KIFC3: variants seen among roughly 807,000 people sequenced by gnomAD.
The protein encoded by KIFC3 is kinesin-like protein KIFC3.
KIFC3 carries 60 observed loss-of-function variants against 101.8 expected under a neutral mutation model. The ratio of observed to expected loss-of-function variants is 0.59; its 90% confidence interval spans 0.48 to 0.73. The LOEUF (loss-of-function observed/expected upper bound fraction) is 0.73. Among genes scored for constraint, KIFC3 ranks in the 30% least tolerant of loss-of-function variants. The pLI is 0.00. For missense variants in KIFC3, 966 were observed against 1,137.1 expected (o/e 0.85, Z 2.16); for synonymous variants, 476 against 482.7 (o/e 0.99, Z 0.18).
intron 1 of KIFC3, among the ~76,000 whole-genome samples, chr16:57,833,850 T>C (rs2055632361): frequency 6.6e-6 from 1 of 151,160 alleles, no homozygotes; most frequent in South Asian, 2.1e-4. Context: ...ATATTCAATA[T>C]TTAGGAATGC....
chr16:57,799,409 G>A (rs1025523706), intron 1 of KIFC3, among the ~76,000 whole-genome samples: 4 of 152,176 alleles, frequency 2.6e-5, no homozygotes, highest in African/African-American at 2.4e-5. Context: ...CTCCCCATCC[G>A]TCACTGCAGT....
chr16:57,795,215 A>T lies in KIFC3; in HGVS notation c.173-74T>A, dbSNP rs914303349. The T allele has an allele frequency of 5.2e-6, 8 of 1,540,830 alleles. No individual in the cohort carries two copies. In the Admixed American group the frequency reaches 1.6e-4, roughly 31 times the overall value. ...GACTGCTAGCCATGGACCACTGGCCAGGGCCGCAGCTGAGCTCAGCTTTCA... is the reference window on the plus strand; with the variant it reads ...GACTGCTAGCCATGGACCACTGGCCTGGGCCGCAGCTGAGCTCAGCTTTCA... On this transcript the variant is annotated intron_variant, in intron 2 of 19. Transcript: ENST00000445690.
chr16:57,769,490 C>CT lies in KIFC3; in HGVS notation c.1218+104dup. 7.0e-7 allele frequency: 1 copy of CT among 1,434,096 alleles called. No homozygotes were observed. The highest frequency in any genetic ancestry group is 9.4e-7 in the Non-Finnish European group (1 of 1,064,596). The allele number at this position is 1,434,096 out of a possible 1,614,324, so 88.8% of individuals were successfully genotyped here. A position where few individuals can be genotyped will look rare whatever the true frequency, so the allele number is the denominator to read the frequency against. The stretch of plus-strand genomic sequence containing the variant: ...TGGGGGGTGGGGCAGGGGCTGCTGT[C>CT]TGAGCGGCTTTGTCTGAGCTTTGGA... On this transcript the variant is annotated intron_variant, in intron 9 of 19. Transcript: ENST00000445690. The surrounding 1 kb of genome is among the most constrained non-coding windows in gnomAD (Gnocchi z 4.3).
At chr16:57,799,272 A>G (rs184075987) in intron 1 of KIFC3, among the ~76,000 whole-genome samples, 1 of 152,348 alleles carries the variant, frequency 6.6e-6, no homozygotes, top group East Asian at 1.9e-4. Context: ...CTACAGTCCC[A>G]GACTCAGACA....
intron 3 of KIFC3, among the ~76,000 whole-genome samples, chr16:57,790,500 A>C (rs1452137850): frequency 2.6e-5 from 4 of 152,104 alleles, no homozygotes; most frequent in Admixed American, 6.6e-5. Flanking sequence ...CTCTTTTAAA[A>C]GTGCTCAGTC....
At chr16:57,803,739 A>AT (rs1432076671), upstream of KIFC3, among the ~76,000 whole-genome samples, 17 of 152,208 alleles carry the variant, frequency 1.1e-4, 1 homozygote, top group African/African-American at 4.1e-4. Context: ...TGAAGGCCTG[A>AT]TAGAGGGTGA....
chr16:57,858,575 G>A (rs2056228556), intron 1 of KIFC3, among the ~76,000 whole-genome samples: 2 of 152,208 alleles, frequency 1.3e-5, no homozygotes, highest in African/African-American at 4.8e-5. Flanking sequence ...ATAATTGCAT[G>A]TCATTAACTT....
chr16:57,823,760 T>TG (rs766926934), intron 1 of KIFC3, among the ~76,000 whole-genome samples: 8,431 of 123,306 alleles, frequency 0.068, 343 homozygotes, highest in Middle Eastern at 0.11. Flanking sequence ...ACCCGGCTAC[T>TG]TTGTGTGTGT....
intron 1 of KIFC3, among the ~76,000 whole-genome samples, chr16:57,837,542 A>AAAGGAAGGAAGGAAGG (rs1491274813): frequency 2.5e-5 from 3 of 118,502 alleles, no homozygotes; most frequent in African/African-American, 9.0e-5. Context: ...AAAGAAAGAG[A>AAAGGAAGGAAGGAAGG]AAGGAAGGAA....
rs782024855 is a variant in KIFC3 at position 57,795,110 on chromosome 16, G to A, written c.204C>T (p.Asp68=). The A allele has an allele frequency of 6.7e-5, 108 of 1,611,036 alleles. No individual in the cohort carries two copies. In the East Asian group the frequency reaches 2.1e-3, roughly 31 times the overall value. ...GRGKDTPVCG[D]EDSSARSAAR... ...CTGCACTTCGGGCACTGGAGTCCTCGTCACCGCAGACTGGGGTATCTTTTC... is the reference window on the plus strand; with the variant it reads ...CTGCACTTCGGGCACTGGAGTCCTCATCACCGCAGACTGGGGTATCTTTTC... The change falls in exon 3 of 20, where the codon GAC becomes GAT. Residue 68 remains aspartate, a synonymous_variant. Transcript: ENST00000445690.
chr16:57,762,940 C>T (rs943250834), intron 12 of KIFC3, among the ~76,000 whole-genome samples: 8 of 151,516 alleles, frequency 5.3e-5, no homozygotes, highest in Non-Finnish European at 1.0e-4. Flanking sequence ...CTCTGACCGC[C>T]CCTTGGCCGG....
intron 2 of KIFC3, chr16:57,797,816 C>A: frequency 7.1e-7 from 1 of 1,403,600 alleles, no homozygotes; most frequent in Non-Finnish European, 9.2e-7. Context: ...CTGATTCCCC[C>A]TGCTCTGTGC....
intron 3 of KIFC3, among the ~76,000 whole-genome samples, chr16:57,784,337 A>G (rs1555616484): frequency 6.6e-6 from 1 of 152,176 alleles, no homozygotes; most frequent in Non-Finnish European, 1.5e-5. Flanking sequence ...TGTAAGAGGA[A>G]GACACAAAGC....
chr16:57,798,616 G>A (rs1555624409), intron 1 of KIFC3: 3 of 415,856 alleles, frequency 7.2e-6, no homozygotes, highest in East Asian at 1.0e-4. Context: ...GAGGCACCGC[G>A]AGTCAGCAGC....
chr16:57,802,759 C>T (rs890280332), upstream of KIFC3: 6 of 746,326 alleles, frequency 8.0e-6, no homozygotes, highest in Non-Finnish European at 1.3e-5. This position sits in a 1 kb window ranked among gnomAD's most constrained non-coding sequence, Gnocchi z 5.0. Context: ...CCTGAAGGCT[C>T]TCACAAAACA....
chr16:57,771,272 C>G lies in KIFC3; in HGVS notation c.691G>C (p.Glu231Gln). Reference protein sequence around the residue: ...DCLAEKAQEEERLSRRLRDSH... With the variant: ...DCLAEKAQEEQRLSRRLRDSH... ...TCACGCAGGCGCCGACTAAGCCGCT[C>G]CTCCTCCTGTGCCTTCTCAGCCAGG... is the stretch of plus-strand genomic sequence containing the variant. The change falls in exon 6 of 20, where the codon GAG (glutamate) becomes CAG (glutamine). Residue 231 changes from glutamate to glutamine, a missense_variant. Transcript: ENST00000445690. The G allele has an allele frequency of 1.2e-6, 2 of 1,613,106 alleles. No individual in the cohort carries two copies. The highest frequency in any genetic ancestry group is 1.7e-6 in the Non-Finnish European group (2 of 1,179,702).
At chr16:57,777,638 T>C (rs2052259176) in intron 3 of KIFC3, among the ~76,000 whole-genome samples, 1 of 151,928 alleles carries the variant, frequency 6.6e-6, no homozygotes, top group South Asian at 2.1e-4. Context: ...GGAGAATCGC[T>C]TGAACCCGAG....
chr16:57,823,196 A>G (rs1555630155), intron 1 of KIFC3, among the ~76,000 whole-genome samples: 2 of 152,202 alleles, frequency 1.3e-5, no homozygotes, highest in African/African-American at 2.4e-5. Flanking sequence ...ACAACCCCTT[A>G]TCATAACTCA....
chr16:57,784,612 C>CAAG lies in KIFC3; in HGVS notation c.315+10386_315+10387insCTT, dbSNP rs572905419. Among the ~76,000 whole-genome samples the CAAG allele has an allele frequency of 1.9e-4, 29 of 152,278 alleles. No individual in the cohort carries two copies. In the South Asian group the frequency reaches 5.8e-3, roughly 31 times the overall value. On this transcript the variant is annotated intron_variant, in intron 3 of 19. Coordinates refer to ENST00000445690, the MANE Select transcript of KIFC3 (RefSeq NM_001130100.2). ...CTCTACCTGAAGGCCAGTCTGTCAA[C>CAAG]AGAGTGCTGGGCCCAGAGCTCAGAG...
Sources: gnomAD v4.1 joint callset for allele counts (sites outside exome capture counted in the v4.1 genomes callset) on GRCh38, gnomAD v4.1.1 for gene constraint, Gnocchi (gnomAD v3.1) non-coding constraint, MANE v1.5 for transcripts, NCBI Gene and HGNC (gene_info 2026-07-23, HGNC 2026-07-21) for gene names.